Variants in H6PD observed in about 807,000 individuals in gnomAD.
H6PD encodes the protein GDH/6PGL endoplasmic bifunctional protein.
In H6PD, 48 loss-of-function variants were observed where a neutral mutation model predicts 61.2. That is an observed-to-expected ratio of 0.78 (90% CI 0.62 to 1.00). H6PD has a LOEUF of 1.00. Ranked by LOEUF, H6PD falls within the 50% of genes least tolerant of loss-of-function variation. The pLI is 0.00. For missense variants in H6PD, 1,093 were observed against 1,065.0 expected, an observed-to-expected ratio of 1.03 and a Z score of -0.37; for synonymous variants, 480 against 457.9, an observed-to-expected ratio of 1.05 and a Z score of -0.62.
At position 9,245,677 on chromosome 1, in the gene H6PD, C is replaced by T; in HGVS notation, c.627+116C>T. On this transcript the variant is annotated intron_variant, in intron 2 of 4. Transcript: ENST00000377403. The surrounding 1 kb of genome is among the most constrained non-coding windows in gnomAD (Gnocchi z 4.8). Reference sequence around the variant, plus strand: ...GCCCCAAGGCATTGTGAACTCAGAGCTCCCATGGTCTCCTTGAAGGTGGGC... The same window carrying T: ...GCCCCAAGGCATTGTGAACTCAGAGTTCCCATGGTCTCCTTGAAGGTGGGC... 2.0e-6 allele frequency: 2 copies of T among 1,013,146 alleles called. No homozygotes were observed. Among genetic ancestry groups the T allele is most frequent in the South Asian group, 1.3e-5 (1 of 74,586 alleles). 62.8% of individuals were successfully genotyped at this position (1,013,146 alleles called of 1,614,324 possible). A position where few individuals can be genotyped will look rare whatever the true frequency, so the allele number is the denominator to read the frequency against.
chr1:9,256,891 G>A (rs758591568), intron 3 of H6PD, among the ~76,000 whole-genome samples: 7 of 151,822 alleles, frequency 4.6e-5, no homozygotes, highest in Non-Finnish European at 8.8e-5. Context: ...TTCCATGCAC[G>A]CCTGGTTCCC....
In H6PD at chr1:9,242,555, C is replaced by T. The variant is rs978600104; in HGVS notation, c.-10-2370C>T. 2.4e-5 allele frequency: 24 copies of T among 985,400 alleles called. No homozygotes were observed. In the African/African-American group the frequency reaches 3.7e-4, roughly 15 times the overall value. 61.0% of individuals were successfully genotyped at this position (985,400 alleles called of 1,614,324 possible). On this transcript the variant is annotated intron_variant, in intron 1 of 4. Transcript: ENST00000377403. The stretch of plus-strand genomic sequence containing the variant: ...ACTGGTCAGGGAGGACTGTGGCAAA[C>T]CTCAGAGTCAGAACAGGATTAAAGA...
At chr1:9,259,638 G>C (rs1439643259) in intron 3 of H6PD, among the ~76,000 whole-genome samples, 2 of 151,988 alleles carry the variant, frequency 1.3e-5, no homozygotes. Context: ...CTGTTATTAA[G>C]CTGGTGTTAC....
rs1641466688 is a variant in H6PD at position 9,254,830 on chromosome 1, AG to A, written c.746-7227del. 6.6e-6 allele frequency among the ~76,000 whole-genome samples: 1 copy of A among 152,188 alleles called. No individual in the cohort carries two copies. The highest frequency in any genetic ancestry group is 1.5e-5 in the Non-Finnish European group (1 of 68,036). ...TTTTAGGACATGTTCATCACGGCAA[AG>A]GAAGCCCTGTACCCCTTCGTTGTCA... On this transcript the variant is annotated intron_variant, in intron 3 of 4. Transcript: ENST00000377403. This position sits in a 1 kb window ranked among gnomAD's most constrained non-coding sequence, Gnocchi z 4.6.
chr1:9,263,309 A>C (rs546109903), intron 4 of H6PD, among the ~76,000 whole-genome samples, 200 bp from the exon 5 acceptor site: 1 of 152,272 alleles, frequency 6.6e-6, no homozygotes, highest in East Asian at 1.9e-4. Context: ...CCATAGAGAT[A>C]GCCCCAGAGG....
chr1:9,245,709 C>T lies in H6PD; in HGVS notation c.627+148C>T, dbSNP rs554201675. On this transcript the variant is annotated intron_variant, in intron 2 of 4. Transcript: ENST00000377403. The surrounding 1 kb of genome is among the most constrained non-coding windows in gnomAD (Gnocchi z 4.8). ...GGTCTCCTTGAAGGTGGGCAGGAGG[C>T]GAGCGGGTAAAGGAAAGACAGCAGC... The T allele has an allele frequency of 8.3e-5, 67 of 803,964 alleles. No individual in the cohort carries two copies. Among genetic ancestry groups the T allele is most frequent in the African/African-American group, 7.3e-4 (43 of 58,994 alleles). The allele number at this position is 803,964 out of a possible 1,614,324, so 49.8% of individuals were successfully genotyped here.
At chr1:9,257,876 C>T (rs543048525) in intron 3 of H6PD, among the ~76,000 whole-genome samples, 2 of 152,316 alleles carry the variant, frequency 1.3e-5, no homozygotes, top group East Asian at 3.9e-4. Flanking sequence ...GAGACTTGGG[C>T]ATTGGAACTC....
At chr1:9,263,248 C>T (rs1638396552) in intron 4 of H6PD, among the ~76,000 whole-genome samples, 1 of 152,176 alleles carries the variant, frequency 6.6e-6, no homozygotes, top group Non-Finnish European at 1.5e-5. Context: ...GTTCTCCTTT[C>T]CTGGGGGACC....
chr1:9,262,704 G>A (rs924772790), intron 4 of H6PD, among the ~76,000 whole-genome samples: 10 of 152,348 alleles, frequency 6.6e-5, no homozygotes, highest in African/African-American at 2.2e-4. Context: ...CAGCGGCCAA[G>A]TGCCATGCCA....
intron 1 of H6PD, 62 bp from the exon 2 acceptor site, chr1:9,244,863 G>T: frequency 2.7e-6 from 4 of 1,492,078 alleles, no homozygotes; most frequent in Non-Finnish European, 3.7e-6. Context: ...TTTCCACATC[G>T]TAGCCACCTG....
At chr1:9,249,953 C>T (rs1570098792) in intron 3 of H6PD, among the ~76,000 whole-genome samples, 1 of 152,186 alleles carries the variant, frequency 6.6e-6, no homozygotes, top group South Asian at 2.1e-4. Context: ...TGCCTGCGTG[C>T]CAGGGGACAC....
In H6PD at chr1:9,264,788, C is replaced by T. The variant is rs1638498709; in HGVS notation, c.2295C>T (p.Pro765=). 2.5e-6 allele frequency: 4 copies of T among 1,612,986 alleles called. No individual in the cohort carries two copies. The highest frequency in any genetic ancestry group is 1.3e-5 in the African/African-American group (1 of 74,954). Residue 765 remains proline (P), a synonymous_variant, in exon 5 of 5, where the codon CCC becomes CCT. Transcript: ENST00000377403. ...TGGTGAGCCGGGTGGGCCATGAGCC[C>T]AAGAAGTGGCCCATCTCGGGTGTCC... The part of the protein sequence containing the change: ...TTLVSRVGHE[P]KKWPISGVLP...
At chr1:9,255,707 C>G (rs531417715) in intron 3 of H6PD, among the ~76,000 whole-genome samples, 65 of 152,328 alleles carry the variant, frequency 4.3e-4, no homozygotes, top group African/African-American at 1.4e-3. Context: ...CCTGGGCCCA[C>G]ACTCCTGTGA....
In H6PD at chr1:9,264,049, GGTT is replaced by G. The variant is rs758167232; in HGVS notation, c.1560_1562del (p.Leu520del). The G allele has an allele frequency of 1.9e-6, 3 of 1,614,070 alleles. No homozygotes were observed. The highest frequency in any genetic ancestry group is 2.5e-6 in the Non-Finnish European group (3 of 1,180,052). ...TTGGACTTTGAGTTCAGTAGCGGCCGGTTGTTCTTTTCCCAGCAGCAGCCGGAG... is the reference window on the plus strand; with the variant it reads ...TTGGACTTTGAGTTCAGTAGCGGCCGGTTCTTTTCCCAGCAGCAGCCGGAG... On this transcript the variant is annotated inframe_deletion, in exon 5 of 5. Coordinates refer to ENST00000377403, the MANE Select transcript of H6PD (RefSeq NM_004285.4).
At chr1:9,250,931 T>C (rs1208298729) in intron 3 of H6PD, among the ~76,000 whole-genome samples, 1 of 152,158 alleles carries the variant, frequency 6.6e-6, no homozygotes, top group African/African-American at 2.4e-5. Context: ...CCAGAGGAGT[T>C]TGCTGCAGAG....
chr1:9,263,018 C>G (rs1638382115), intron 4 of H6PD, among the ~76,000 whole-genome samples: 1 of 152,142 alleles, frequency 6.6e-6, no homozygotes, highest in Non-Finnish European at 1.5e-5. Flanking sequence ...CCCTCCTTGC[C>G]AACACCCCAC....
In H6PD at chr1:9,267,154, C is replaced by T. The variant is rs1487421676; in HGVS notation, c.*2285C>T. ...GTTTTTACACCCAGAGAGCGCCCCT[C>T]GTTAGGACAGAACCACGGTGCCCAG... On this transcript the variant is annotated 3_prime_UTR_variant, in exon 5 of 5. Transcript: ENST00000377403. 2.0e-5 allele frequency: 3 copies of T among 152,376 alleles called. No individual in the cohort carries two copies. Among genetic ancestry groups the T allele is most frequent in the African/African-American group, 4.8e-5 (2 of 41,440 alleles). 9.4% of individuals were successfully genotyped at this position (152,376 alleles called of 1,614,324 possible).
chr1:9,257,115 T>G (rs1028500171), intron 3 of H6PD, among the ~76,000 whole-genome samples: 12 of 152,044 alleles, frequency 7.9e-5, no homozygotes, highest in Non-Finnish European at 1.6e-4. Context: ...TTTATTTTGG[T>G]CACTTTATAT....
rs1347635610 is a variant in H6PD, at chr1:9,245,838, T to G, written c.627+277T>G. 6.6e-6 allele frequency among the ~76,000 whole-genome samples: 1 copy of G among 152,194 alleles called. No individual in the cohort carries two copies. Among genetic ancestry groups the G allele is most frequent in the Non-Finnish European group, 1.5e-5 (1 of 68,024 alleles). ...AGTCTGGGCTCTGGCTTCTCACGGTTGCCCTGCATCCCCTGTAGCGGTGGC... is the reference window on the plus strand; with the variant it reads ...AGTCTGGGCTCTGGCTTCTCACGGTGGCCCTGCATCCCCTGTAGCGGTGGC... On this transcript the variant is annotated intron_variant, in intron 2 of 4. Transcript: ENST00000377403. This position sits in a 1 kb window ranked among gnomAD's most constrained non-coding sequence, Gnocchi z 4.8.
Sources: gnomAD v4.1 joint callset for allele counts (sites outside exome capture counted in the v4.1 genomes callset) on GRCh38, gnomAD v4.1.1 for gene constraint, Gnocchi (gnomAD v3.1) non-coding constraint, MANE v1.5 for transcripts, NCBI Gene and HGNC (gene_info 2026-07-23, HGNC 2026-07-21) for gene names.